Variants in PPARGC1A observed in about 807,000 individuals in gnomAD.
The protein encoded by PPARGC1A is PPARG coactivator 1 alpha, also known as peroxisome proliferator-activated receptor gamma coactivator 1-alpha.
In PPARGC1A, 25 loss-of-function variants were observed where a neutral mutation model predicts 88.7. That is an observed-to-expected ratio of 0.28 (90% confidence interval 0.21 to 0.39). The LOEUF (loss-of-function observed/expected upper bound fraction) is 0.39, where lower values mean the gene tolerates loss of function less well. PPARGC1A is among the 10% of genes least tolerant of loss of function. The pLI, the probability that PPARGC1A is intolerant of heterozygous loss-of-function variation, is 1.00. For missense variants in PPARGC1A, 880 were observed against 968.7 expected, an observed-to-expected ratio of 0.91 and a Z score of 1.22; for synonymous variants, 363 against 355.6, an observed-to-expected ratio of 1.02 and a Z score of -0.24.
chr4:24,461,866 G>A, the PPARGC1A span, among the ~76,000 whole-genome samples: 6 of 151,928 alleles, frequency 3.9e-5, no homozygotes, highest in Admixed American at 1.3e-4. Flanking sequence ...AACAAATGTC[G>A]CTGCCTTCTT....
At chr4:24,329,646 A>T in the PPARGC1A span, among the ~76,000 whole-genome samples, 1 of 152,182 alleles carries the variant, frequency 6.6e-6, no homozygotes, top group Non-Finnish European at 1.5e-5. Flanking sequence ...CTGGGATCAT[A>T]AGATCATTAA....
chr4:24,258,917 T>C, the PPARGC1A span, among the ~76,000 whole-genome samples: 7 of 152,242 alleles, frequency 4.6e-5, no homozygotes, highest in African/African-American at 1.7e-4. Context: ...AGTTTAGAAC[T>C]GTGTGTGGCT....
At chr4:24,130,391 G>T in the PPARGC1A span, among the ~76,000 whole-genome samples, 1 of 152,086 alleles carries the variant, frequency 6.6e-6, no homozygotes, top group Non-Finnish European at 1.5e-5. Context: ...CAAAAACATG[G>T]CTTTTAACAA....
chr4:24,407,096 C>T, the PPARGC1A span, among the ~76,000 whole-genome samples: 1 of 152,158 alleles, frequency 6.6e-6, no homozygotes, highest in Non-Finnish European at 1.5e-5. Context: ...CACCTCCACT[C>T]TCTCTGAAGC....
the PPARGC1A span, among the ~76,000 whole-genome samples, chr4:24,037,604 G>A: frequency 6.6e-6 from 1 of 152,012 alleles, no homozygotes; most frequent in African/African-American, 2.4e-5. Context: ...GAGAAAGCAG[G>A]GCATCCCTTG....
At chr4:24,373,065 C>T in the PPARGC1A span, among the ~76,000 whole-genome samples, 59 of 152,300 alleles carry the variant, frequency 3.9e-4, no homozygotes, top group African/African-American at 1.4e-3. Flanking sequence ...GAAGCAGAAA[C>T]ACAGTCCAGT....
chr4:23,957,169 G>A, the PPARGC1A span, among the ~76,000 whole-genome samples: 2 of 152,058 alleles, frequency 1.3e-5, no homozygotes, highest in African/African-American at 4.8e-5. Context: ...CTCATCCTCT[G>A]CCTACAACCC....
At chr4:24,353,324 A>T in the PPARGC1A span, among the ~76,000 whole-genome samples, 6 of 151,684 alleles carry the variant, frequency 4.0e-5, no homozygotes. Context: ...ATAGAAGGGA[A>T]CTGAAGTGGA....
chr4:24,400,295 A>G, the PPARGC1A span, among the ~76,000 whole-genome samples: 2 of 152,198 alleles, frequency 1.3e-5, no homozygotes, highest in African/African-American at 4.8e-5. Context: ...CCTGGTGGGC[A>G]CAATCTAATC....
the PPARGC1A span, among the ~76,000 whole-genome samples, chr4:24,263,572 C>T: frequency 6.6e-6 from 1 of 151,890 alleles, no homozygotes; most frequent in South Asian, 2.1e-4. Flanking sequence ...CCAAGTGTGC[C>T]CGTCTCTCCT....
the PPARGC1A span, among the ~76,000 whole-genome samples, chr4:24,199,741 G>A: frequency 6.6e-6 from 1 of 152,122 alleles, no homozygotes; most frequent in East Asian, 1.9e-4. Flanking sequence ...ATACAGAAGC[G>A]GTCATTCCCC....
the PPARGC1A span, among the ~76,000 whole-genome samples, chr4:24,228,434 C>G: frequency 6.6e-6 from 1 of 152,100 alleles, no homozygotes; most frequent in African/African-American, 2.4e-5. Context: ...TAAGTGAGAG[C>G]TAAACATTGA....
At chr4:24,361,303 G>A in the PPARGC1A span, among the ~76,000 whole-genome samples, 1 of 152,176 alleles carries the variant, frequency 6.6e-6, no homozygotes, top group Admixed American at 6.5e-5. Flanking sequence ...AGATGATAAA[G>A]CACATCACAG....
chr4:23,858,585 G>A (rs1333069072), intron 2 of PPARGC1A, among the ~76,000 whole-genome samples: 1 of 152,164 alleles, frequency 6.6e-6, no homozygotes, highest in Non-Finnish European at 1.5e-5. Context: ...GCCCCTTTAA[G>A]TCCTGGTTTC....
At chr4:24,008,480 T>C in the PPARGC1A span, among the ~76,000 whole-genome samples, 1 of 152,136 alleles carries the variant, frequency 6.6e-6, no homozygotes, top group African/African-American at 2.4e-5. Flanking sequence ...ACTAATAAAG[T>C]CTCAGTGTAA....
chr4:24,353,366 C>A, the PPARGC1A span, among the ~76,000 whole-genome samples: 1 of 146,970 alleles, frequency 6.8e-6, no homozygotes, highest in Non-Finnish European at 1.5e-5. Context: ...ATCTGGGTCC[C>A]CCGCCCTCCC....
the PPARGC1A span, among the ~76,000 whole-genome samples, chr4:24,249,098 G>C: frequency 6.6e-6 from 1 of 152,096 alleles, no homozygotes; most frequent in Non-Finnish European, 1.5e-5. Context: ...CTTCCATCTA[G>C]ACATGAGAAA....
At chr4:24,380,316 T>C in the PPARGC1A span, among the ~76,000 whole-genome samples, 2 of 151,898 alleles carry the variant, frequency 1.3e-5, no homozygotes, top group East Asian at 3.9e-4. Context: ...ACAGAGGGAA[T>C]CACATATGCA....
chr4:24,080,573 C>G, the PPARGC1A span, among the ~76,000 whole-genome samples: 1 of 152,056 alleles, frequency 6.6e-6, no homozygotes, highest in Non-Finnish European at 1.5e-5. Context: ...TGTAGACACC[C>G]TTGTCATGAT....
Sources: allele counts gnomAD v4.1 joint callset (sites outside exome capture counted in the v4.1 genomes callset), GRCh38; gene constraint gnomAD v4.1.1; transcripts MANE v1.5; gene names NCBI Gene and HGNC (gene_info 2026-07-23, HGNC 2026-07-21).